The following CDC25C variants were observed in gnomAD, a reference collection of about 807,000 sequenced individuals.
The protein encoded by CDC25C is M-phase inducer phosphatase 3.
CDC25C carries 48 observed loss-of-function variants against 52.5 expected under a neutral mutation model. The ratio of observed to expected loss-of-function variants is 0.91; its 90% CI spans 0.72 to 1.16. The LOEUF (loss-of-function observed/expected upper bound fraction) is 1.16, where lower values mean the gene tolerates loss of function less well. Among genes scored for constraint, CDC25C ranks in the 50% most tolerant of loss-of-function variants. The pLI is 0.00. For synonymous variants in CDC25C, 187 were observed against 206.5 expected, an observed-to-expected ratio of 0.91 and a Z score of 0.81; for missense variants, 510 against 566.1, an observed-to-expected ratio of 0.90 and a Z score of 1.01.
At chr5:138,336,964 T>TA (rs1253716684) in intron 1 of CDC25C, 1 of 152,184 alleles carries the variant, frequency 6.6e-6, no homozygotes, top group Non-Finnish European at 1.5e-5. Context: ...TGATCACAGC[T>TA]ATTTACCTGT....
At chr5:138,307,511 A>AAAGAAAAAGAGAAAGAAG (rs1758108161) in intron 7 of CDC25C, among the ~76,000 whole-genome samples, 1 of 136,180 alleles carries the variant, frequency 7.3e-6, no homozygotes, top group Non-Finnish European at 1.6e-5. Flanking sequence ...AAAAAAAAAA[A>AAAGAAAAAGAGAAAGAAG]GAAAAAGAGA....
chr5:138,290,816 A>T (rs1272225446), intron 8 of CDC25C, 76 bp from the exon 9 acceptor site: 1 of 873,840 alleles, frequency 1.1e-6, no homozygotes, highest in African/African-American at 1.6e-5. Flanking sequence ...GGAGTGGGCC[A>T]TGGTGGCGCA....
rs192687481 is a variant in CDC25C, at chr5:138,329,421, T to C, written c.289+132A>G. On this transcript the variant is annotated intron_variant, in intron 3 of 13. Transcript: ENST00000323760. The stretch of plus-strand genomic sequence containing the variant: ...TAATCATTCTCAAAAATCCTCTAGT[T>C]ACCCACAAAATTCCATCTCTCTAGG... The C allele has an allele frequency of 3.0e-4, 187 of 622,240 alleles. No homozygotes were observed. The African/African-American group carries it at 3.1e-3, about 10-fold the overall frequency. 38.5% of individuals were successfully genotyped at this position (622,240 alleles called of 1,614,324 possible). A position where few individuals can be genotyped will look rare whatever the true frequency, so the allele number is the denominator to read the frequency against.
Position 138,328,514 on chromosome 5 carries a change from G to A in CDC25C, c.305C>T (p.Ser102Leu), listed in dbSNP as rs201398157. The A allele has an allele frequency of 1.9e-6, 3 of 1,613,530 alleles. No homozygotes were observed. Among genetic ancestry groups the A allele is most frequent in the Middle Eastern group, 1.6e-4 (1 of 6,080 alleles). ...DLDETGHLDSSGLQEVHLAGM... is the reference protein window; with the variant it reads ...DLDETGHLDSLGLQEVHLAGM... ...AGCTAAATGCACTTCCTGAAGTCCT[G>A]AAGAATCCAGGTGACCTGCAATCAA... The change falls in exon 4 of 14, where the codon TCA (serine) becomes TTA (leucine). Residue 102 changes from serine (S) to leucine (L), a missense_variant. Physicochemically the swap from Ser to Leu is moderately radical, Grantham distance 145 (BLOSUM62 -2). Transcript: ENST00000323760.
intron 6 of CDC25C, among the ~76,000 whole-genome samples, chr5:138,322,301 T>C (rs1461023825): frequency 1.4e-5 from 2 of 137,992 alleles, no homozygotes; most frequent in African/African-American, 5.5e-5. Flanking sequence ...GCACCCGGCC[T>C]ATAATTATTA....
chr5:138,329,104 C>T (rs1272454348), intron 3 of CDC25C, among the ~76,000 whole-genome samples: 3 of 152,092 alleles, frequency 2.0e-5, no homozygotes, highest in Non-Finnish European at 2.9e-5. Flanking sequence ...GGGGTTTCAC[C>T]ATGTTGGCCA....
At position 138,290,710 on chromosome 5, in the gene CDC25C, A is replaced by G; in HGVS notation, c.793T>C (p.Cys265Arg). 1 of 1,609,032 alleles carries G rather than the reference A, an allele frequency of 6.2e-7. No individual in the cohort carries two copies. Reference protein sequence around the residue: ...GLCLKKTVSLCDITITQMLEE... With the variant: ...GLCLKKTVSLRDITITQMLEE... ...AGCATCTGAGTGATAGTAATGTCACACAGAGAGACTGTCTTCTTTAAACAT... is the reference window on the plus strand; with the variant it reads ...AGCATCTGAGTGATAGTAATGTCACGCAGAGAGACTGTCTTCTTTAAACAT... Residue 265 changes from cysteine (C) to arginine (R), a missense_variant, in exon 9 of 14, where the codon TGT (cysteine) becomes CGT (arginine). Coordinates refer to ENST00000323760, the MANE Select transcript of CDC25C (RefSeq NM_001790.5).
chr5:138,338,039 G>T lies in CDC25C; in HGVS notation c.-71C>A, dbSNP rs1455142177. The stretch of plus-strand genomic sequence containing the variant: ...CACTTTCTGCGATATTTTGGAGGGG[G>T]TGACTCGTTAGTGAGGAAACCACCC... On this transcript the variant is annotated 5_prime_UTR_variant, in exon 1 of 6. Coordinates refer to the CDC25C transcript ENST00000510119. 6 of 1,289,742 alleles carry T rather than the reference G, an allele frequency of 4.7e-6. No homozygotes were observed. In the South Asian group the frequency reaches 7.4e-5, roughly 16 times the overall value. The allele number at this position is 1,289,742 out of a possible 1,614,324, so 79.9% of individuals were successfully genotyped here.
At chr5:138,299,686 A>G (rs2126702697) in intron 7 of CDC25C, among the ~76,000 whole-genome samples, 1 of 151,882 alleles carries the variant, frequency 6.6e-6, no homozygotes, top group South Asian at 2.1e-4. Flanking sequence ...AAAGCTATAA[A>G]TGCCTAAAAT....
intron 10 of CDC25C, among the ~76,000 whole-genome samples, chr5:138,289,003 C>T (rs985426307): frequency 7.9e-5 from 12 of 151,974 alleles, no homozygotes; most frequent in East Asian, 1.9e-4. Context: ...CTCGCTGTGT[C>T]GCCCAGGCTG....
In CDC25C at chr5:138,298,759, T is replaced by C. The variant is rs1437984855; in HGVS notation, c.616-6643A>G. 2.0e-5 allele frequency among the ~76,000 whole-genome samples: 3 copies of C among 148,814 alleles called. 1 individual carries two copies. Among genetic ancestry groups the C allele is most frequent in the Non-Finnish European group, 4.5e-5 (3 of 66,962 alleles). On this transcript the variant is annotated intron_variant, in intron 7 of 13. Transcript: ENST00000323760. ...GTGAGACTCCATCTCAAAAATAAAA[T>C]AAAATAAAAATAAAATAAAATAAAA...
chr5:138,306,744 G>A (rs1287012477), intron 7 of CDC25C, among the ~76,000 whole-genome samples: 1 of 151,414 alleles, frequency 6.6e-6, no homozygotes, highest in Non-Finnish European at 1.5e-5. Context: ...CCAAAGTGCT[G>A]GGATTACAGG....
At chr5:138,303,017 C>A (rs1757748858) in intron 7 of CDC25C, among the ~76,000 whole-genome samples, 1 of 151,912 alleles carries the variant, frequency 6.6e-6, no homozygotes, top group African/African-American at 2.4e-5. Context: ...ATGCAGTGAG[C>A]TGTGATTGTG....
At chr5:138,301,688 C>T in intron 7 of CDC25C, among the ~76,000 whole-genome samples, 1 of 124,400 alleles carries the variant, frequency 8.0e-6, no homozygotes, top group Admixed American at 9.8e-5. Flanking sequence ...CATAGAGGTA[C>T]ACAAAAAAAA....
intron 2 of CDC25C, among the ~76,000 whole-genome samples, chr5:138,330,442 C>A (rs1760271993): frequency 6.6e-6 from 1 of 152,184 alleles, no homozygotes; most frequent in South Asian, 2.1e-4. Context: ...AAAGACTTTT[C>A]CCAGTTATCA....
In CDC25C at chr5:138,331,116, C is replaced by T. The variant is rs1760342570; in HGVS notation, c.65G>A (p.Arg22Lys). 3 of 1,614,024 alleles carry T rather than the reference C, an allele frequency of 1.9e-6. No individual in the cohort carries two copies. Among genetic ancestry groups the T allele is most frequent in the Non-Finnish European group, 2.5e-6 (3 of 1,179,866 alleles). The change falls in exon 2 of 14, where the codon AGG (arginine) becomes AAG (lysine). Residue 22 changes from arginine (R) to lysine (K), a missense_variant. Arg to Lys is a conservative substitution (Grantham distance 26). Coordinates refer to ENST00000323760, the MANE Select transcript of CDC25C (RefSeq NM_001790.5). ...GTTTAACATTTTCCTTTGATTAGACCTAAAACTGGGTCCTGAGCCAGAGCT... is the reference window on the plus strand; with the variant it reads ...GTTTAACATTTTCCTTTGATTAGACTTAAAACTGGGTCCTGAGCCAGAGCT... ...EGSSGSGPSF[R>K]SNQRKMLNLL... is the part of the protein sequence containing the mutation.
intron 7 of CDC25C, among the ~76,000 whole-genome samples, chr5:138,317,586 G>T (rs1278759648): frequency 1.3e-5 from 2 of 151,502 alleles, no homozygotes; most frequent in South Asian, 4.2e-4. Context: ...AGGCTGAGGT[G>T]GGAGGACTGC....
At chr5:138,322,905 G>A in intron 6 of CDC25C, among the ~76,000 whole-genome samples, 1 of 151,922 alleles carries the variant, frequency 6.6e-6, no homozygotes. Flanking sequence ...ACAGGTGTGA[G>A]CCACTGCACC....
chr5:138,298,820 C>T (rs1757408160), intron 7 of CDC25C, among the ~76,000 whole-genome samples: 3 of 151,878 alleles, frequency 2.0e-5, no homozygotes. Flanking sequence ...TGAAATCACA[C>T]AAAATATGTT....
Sources: allele counts gnomAD v4.1 joint callset (sites outside exome capture counted in the v4.1 genomes callset), GRCh38; gene constraint gnomAD v4.1.1; transcripts MANE v1.5; gene names NCBI Gene and HGNC (gene_info 2026-07-23, HGNC 2026-07-21).